Variants in CHSY3 observed in about 807,000 individuals in gnomAD.
CHSY3 encodes N-acetylgalactosaminyl-proteoglycan 3-beta-glucuronosyltransferase 3.
Under a neutral mutation model 67.2 loss-of-function variants are expected in CHSY3, and 35 were observed. The observed-to-expected ratio is 0.52, with a 90% CI of 0.40 to 0.69. The LOEUF (loss-of-function observed/expected upper bound fraction) is 0.69, where lower values mean the gene tolerates loss of function less well. CHSY3 is among the 30% of genes least tolerant of loss of function. CHSY3 has a pLI of 0.00. For synonymous variants in CHSY3, 474 were observed against 434.7 expected, an observed-to-expected ratio of 1.09 and a Z score of -1.12; for missense variants, 1,069 against 1,138.5, an observed-to-expected ratio of 0.94 and a Z score of 0.88.
chr5:129,992,153 G>C (rs1419757182), intron 2 of CHSY3, among the ~76,000 whole-genome samples: 1 of 152,168 alleles, frequency 6.6e-6, no homozygotes, highest in African/African-American at 2.4e-5. Context: ...GCAGCTTGCT[G>C]AAACTGAAGG....
intron 2 of CHSY3, among the ~76,000 whole-genome samples, chr5:130,087,067 G>A (rs921996971): frequency 1.3e-5 from 2 of 152,054 alleles, no homozygotes; most frequent in Admixed American, 6.6e-5. Flanking sequence ...TTCAATATAT[G>A]CAAATCAATA....
At chr5:129,944,490 A>C (rs1460241147) in intron 2 of CHSY3, among the ~76,000 whole-genome samples, 1 of 151,728 alleles carries the variant, frequency 6.6e-6, no homozygotes, top group Non-Finnish European at 1.5e-5. Flanking sequence ...GAACACCACC[A>C]CACTCAGCTA....
chr5:130,113,095 T>C (rs1013187305), intron 2 of CHSY3, among the ~76,000 whole-genome samples: 1 of 140,694 alleles, frequency 7.1e-6, no homozygotes, highest in Non-Finnish European at 1.5e-5. Flanking sequence ...AGTCATGTTG[T>C]AAAAATGATA....
At chr5:129,954,329 A>T (rs570094578) in intron 2 of CHSY3, among the ~76,000 whole-genome samples, 2 of 151,952 alleles carry the variant, frequency 1.3e-5, no homozygotes. Context: ...GTTCTGTTCC[A>T]TTGGTCTATA....
chr5:130,163,537 A>C (rs1473348339), intron 2 of CHSY3, among the ~76,000 whole-genome samples: 1 of 152,116 alleles, frequency 6.6e-6, no homozygotes, highest in African/African-American at 2.4e-5. Flanking sequence ...CATTTCTTCT[A>C]AATTATTCTC....
Position 130,185,535 on chromosome 5 carries a change from C to A in CHSY3, c.2393C>A (p.Thr798Asn), listed in dbSNP as rs144038141. 18 of 1,614,144 alleles carry A rather than the reference C, an allele frequency of 1.1e-5. No individual in the cohort carries two copies. The highest frequency in any genetic ancestry group is 1.7e-5 in the Admixed American group (1 of 60,026). Residue 798 changes from threonine to asparagine, a missense_variant, in exon 3 of 3, where the codon ACC becomes AAC. This residue lies in a region of CHSY3 where 139 missense variants were observed against 152.8 expected (regional missense o/e 0.91). Transcript: ENST00000305031. The part of the protein sequence containing the change: ...SDLLGAGGFD[T>N]SIQGWGLEDV... The stretch of plus-strand genomic sequence containing the variant: ...CTTCTAGGTGCAGGTGGATTTGATA[C>A]CTCAATACAAGGCTGGGGACTAGAA...
At chr5:130,045,808 C>T (rs1765130238) in intron 2 of CHSY3, among the ~76,000 whole-genome samples, 1 of 152,082 alleles carries the variant, frequency 6.6e-6, no homozygotes, top group Non-Finnish European at 1.5e-5. Flanking sequence ...AACATGAACA[C>T]CTTGTGCTTG....
chr5:130,114,204 A>G (rs1003315454), intron 2 of CHSY3, among the ~76,000 whole-genome samples: 5 of 152,212 alleles, frequency 3.3e-5, no homozygotes, highest in African/African-American at 1.2e-4. Flanking sequence ...TATAAGGATA[A>G]CAAAACAACC....
intron 2 of CHSY3, among the ~76,000 whole-genome samples, chr5:129,912,230 CAT>C (rs1000643666): frequency 6.6e-6 from 1 of 151,848 alleles, no homozygotes; most frequent in Non-Finnish European, 1.5e-5. Context: ...ATTTAATATA[CAT>C]ATATAAAGAA....
At position 130,173,540 on chromosome 5, in the gene CHSY3, C is replaced by A. The variant is rs374207695; in HGVS notation, c.1087-10689C>A. The stretch of plus-strand genomic sequence containing the variant: ...GATTTAGTTTCATGCAATTTTATCA[C>A]GTTGTATAGTGAGTTTAAAGGCAGA... On this transcript the variant is annotated intron_variant, in intron 2 of 2. Transcript: ENST00000305031. Among the ~76,000 whole-genome samples, 17 of 152,090 alleles carry A rather than the reference C, an allele frequency of 1.1e-4. 1 individual carries two copies. Among genetic ancestry groups the A allele is most frequent in the Admixed American group, 6.5e-4 (10 of 15,286 alleles).
chr5:130,083,365 TTC>T (rs1225188924), intron 2 of CHSY3, among the ~76,000 whole-genome samples: 1 of 152,050 alleles, frequency 6.6e-6, no homozygotes, highest in African/African-American at 2.4e-5. Flanking sequence ...CTGGATCCTC[TTC>T]TGTTACTTTT....
At chr5:129,936,900 C>T (rs1228144830) in intron 2 of CHSY3, among the ~76,000 whole-genome samples, 1 of 152,138 alleles carries the variant, frequency 6.6e-6, no homozygotes, top group East Asian at 1.9e-4. Context: ...TCATGTTATT[C>T]CCTTGATCTG....
At chr5:130,103,673 T>C (rs1767323807) in intron 2 of CHSY3, among the ~76,000 whole-genome samples, 1 of 152,018 alleles carries the variant, frequency 6.6e-6, no homozygotes, top group African/African-American at 2.4e-5. Flanking sequence ...GACAATGAAA[T>C]GTTTTTCTGT....
At chr5:129,983,115 CTATGA>C (rs1318488274) in intron 2 of CHSY3, among the ~76,000 whole-genome samples, 1 of 152,076 alleles carries the variant, frequency 6.6e-6, no homozygotes, top group Non-Finnish European at 1.5e-5. Flanking sequence ...TTGAAAAACA[CTATGA>C]TATATCTACT....
rs1320915599 is a variant in CHSY3 at position 129,960,237 on chromosome 5, G to T, written c.1086+51877G>T. Among the ~76,000 whole-genome samples, 29 of 152,156 alleles carry T rather than the reference G, an allele frequency of 1.9e-4. 1 individual carries two copies. The highest frequency in any genetic ancestry group is 7.4e-5 in the Non-Finnish European group (5 of 68,000). ...GGCTGGTAGAGTTTGGCATGAAGCAGACATTCACTTAATGTGGTTGAATGA... is the reference window on the plus strand; with the variant it reads ...GGCTGGTAGAGTTTGGCATGAAGCATACATTCACTTAATGTGGTTGAATGA... On this transcript the variant is annotated intron_variant, in intron 2 of 2. Transcript: ENST00000305031.
Position 129,905,000 on chromosome 5 carries a change from C to T in CHSY3, c.171C>T (p.Ala57=), listed in dbSNP as rs766140084. 10 of 1,566,314 alleles carry T rather than the reference C, an allele frequency of 6.4e-6. No homozygotes were observed. Among genetic ancestry groups the T allele is most frequent in the Non-Finnish European group, 8.6e-6 (10 of 1,162,514 alleles). ...GTCGCTCTGCTGCTGGCCCCCGCGC[C>T]GGCGCTCAGCAGCCGCTCCCCCAGC... is the stretch of plus-strand genomic sequence containing the variant. ...YYGRSAAGPR[A]GAQQPLPQPQ... Residue 57 remains alanine (A), a synonymous_variant, in exon 1 of 3, where the codon GCC becomes GCT. Coordinates refer to ENST00000305031, the MANE Select transcript of CHSY3 (RefSeq NM_175856.5).
intron 2 of CHSY3, among the ~76,000 whole-genome samples, chr5:130,135,130 T>A (rs1025213095): frequency 1.3e-5 from 2 of 152,090 alleles, no homozygotes; most frequent in Non-Finnish European, 2.9e-5. Context: ...CAGTTGTATA[T>A]GTGTGGTCCC....
intron 2 of CHSY3, among the ~76,000 whole-genome samples, chr5:130,182,975 T>C (rs1467175779): frequency 6.6e-6 from 1 of 152,060 alleles, no homozygotes; most frequent in Non-Finnish European, 1.5e-5. Flanking sequence ...GGCTGTTTTT[T>C]TAAATTTATG....
intron 2 of CHSY3, among the ~76,000 whole-genome samples, chr5:130,029,545 AG>A (rs1764648882): frequency 6.6e-6 from 1 of 152,106 alleles, no homozygotes; most frequent in South Asian, 2.1e-4. Context: ...TGTGTTCATG[AG>A]GTGTTTGATT....
Sources: gnomAD v4.1 joint callset for allele counts (sites outside exome capture counted in the v4.1 genomes callset) on GRCh38, gnomAD v4.1.1 for gene constraint, gnomAD v4.1.1 regional missense constraint, MANE v1.5 for transcripts, NCBI Gene and HGNC (gene_info 2026-07-23, HGNC 2026-07-21) for gene names.